BSN: variants seen among roughly 807,000 people sequenced by gnomAD.
BSN encodes the protein bassoon presynaptic cytomatrix protein, also known as protein bassoon.
BSN carries 57 observed loss-of-function variants against 264.8 expected under a neutral mutation model. The ratio of observed to expected loss-of-function variants is 0.22; its 90% CI spans 0.17 to 0.27. The LOEUF (loss-of-function observed/expected upper bound fraction) is 0.27, where lower values mean the gene tolerates loss of function less well. BSN is among the 10% of genes least tolerant of loss of function. BSN has a pLI of 1.00. For synonymous variants in BSN, 2,059 were observed against 2,137.3 expected (o/e 0.96, Z 1.01); for missense variants, 4,615 against 5,232.5 (o/e 0.88, Z 3.64).
At chr3:49,602,011 A>G (rs2052076270) in intron 1 of BSN, among the ~76,000 whole-genome samples, 1 of 152,022 alleles carries the variant, frequency 6.6e-6, no homozygotes, top group African/African-American at 2.4e-5. Flanking sequence ...CCTAGTAGAG[A>G]TGTGGGAAAG....
chr3:49,594,768 A>G (rs756940612), intron 1 of BSN, among the ~76,000 whole-genome samples: 1 of 152,212 alleles, frequency 6.6e-6, no homozygotes, highest in Non-Finnish European at 1.5e-5. Context: ...TTTGGGAAGA[A>G]TGAACATCTT....
chr3:49,604,205 C>A (rs2052093525), intron 1 of BSN, among the ~76,000 whole-genome samples: 1 of 151,996 alleles, frequency 6.6e-6, no homozygotes, highest in South Asian at 2.1e-4. Flanking sequence ...ACTACAGGTA[C>A]ATGCCACTGT....
At chr3:49,615,568 G>A (rs2052253839) in intron 1 of BSN, among the ~76,000 whole-genome samples, 1 of 152,224 alleles carries the variant, frequency 6.6e-6, no homozygotes, top group African/African-American at 2.4e-5. Flanking sequence ...AACCCTGGGT[G>A]TGGTACCTTC....
At position 49,654,163 on chromosome 3, in the gene BSN, C is replaced by T. The variant is rs758403937; in HGVS notation, c.4607C>T (p.Thr1536Ile). The change falls in exon 5 of 12, where the codon ACA becomes ATA. Residue 1536 changes from threonine to isoleucine, a missense_variant. This residue lies in a region of BSN where 3,415 missense variants were observed against 3,866.4 expected (regional missense o/e 0.88). Transcript: ENST00000296452. The surrounding 1 kb of genome is among the most constrained non-coding windows in gnomAD (Gnocchi z 4.1). ...PSPMVAQGTQ[T>I]PHRPSTPRLV... is the part of the protein sequence containing the mutation. ...CCTATGGTAGCCCAGGGTACACAAA[C>T]ACCACATCGACCCAGCACGCCTCGC... 2 of 1,614,076 alleles carry T rather than the reference C, an allele frequency of 1.2e-6. No homozygotes were observed. Among genetic ancestry groups the T allele is most frequent in the Non-Finnish European group, 1.7e-6 (2 of 1,180,024 alleles).
At chr3:49,576,812 C>G (rs930182732) in intron 1 of BSN, among the ~76,000 whole-genome samples, 1 of 152,196 alleles carries the variant, frequency 6.6e-6, no homozygotes, top group African/African-American at 2.4e-5. Flanking sequence ...CAGAGGTTCC[C>G]TGGGAGCAGG....
In BSN at chr3:49,653,050, C is replaced by T. The variant is rs1422700919; in HGVS notation, c.3494C>T (p.Thr1165Ile). The change falls in exon 5 of 12, where the codon ACC (threonine) becomes ATC (isoleucine). Residue 1165 changes from threonine to isoleucine, a missense_variant. Around this residue, in one of 3 missense-constraint regions of BSN, gnomAD observed 3,415 missense variants for 3,866.4 expected, o/e 0.88. Coordinates refer to ENST00000296452, the MANE Select transcript of BSN (RefSeq NM_003458.4). This position sits in a 1 kb window ranked among gnomAD's most constrained non-coding sequence, Gnocchi z 6.3. ...LPTFMSLYSP[T>I]ETPSGSSTTP... The stretch of plus-strand genomic sequence containing the variant: ...ACCTTCATGTCCCTCTACTCACCAA[C>T]CGAGACACCCTCCGGCAGCTCCACC... The T allele has an allele frequency of 6.2e-7, 1 of 1,613,578 alleles. No homozygotes were observed. Among genetic ancestry groups the T allele is most frequent in the Non-Finnish European group, 8.5e-7 (1 of 1,180,030 alleles).
Position 49,660,536 on chromosome 3 carries a change from G to T in BSN, c.8691G>T (p.Leu2897=), listed in dbSNP as rs1559618463. 1 of 1,569,674 alleles carries T rather than the reference G, an allele frequency of 6.4e-7. No homozygotes were observed. Among genetic ancestry groups the T allele is most frequent in the Non-Finnish European group, 8.6e-7 (1 of 1,156,360 alleles). The change falls in exon 6 of 12, where the codon CTG becomes CTT. Residue 2897 remains leucine (L), a synonymous_variant. Transcript: ENST00000296452. The surrounding 1 kb of genome is among the most constrained non-coding windows in gnomAD (Gnocchi z 7.1). The part of the protein sequence containing the change: ...NSLVRKVKRT[L]PSPPPEEAHL... ...TGGTCCGCAAGGTGAAGCGGACACT[G>T]CCCAGCCCCCCTCCAGAGGAGGCTC...
intron 1 of BSN, among the ~76,000 whole-genome samples, chr3:49,597,878 C>T (rs1289017046): frequency 6.6e-6 from 1 of 151,634 alleles, no homozygotes; most frequent in East Asian, 1.9e-4. Flanking sequence ...CTCCTGACCT[C>T]GTGATCCACC....
At chr3:49,665,537 G>C (rs550918677) in intron 11 of BSN, among the ~76,000 whole-genome samples, 1 of 152,336 alleles carries the variant, frequency 6.6e-6, no homozygotes, top group South Asian at 2.1e-4. Context: ...TTGGAGAAGA[G>C]CCCAGCACGG....
intron 1 of BSN, among the ~76,000 whole-genome samples, chr3:49,600,343 G>A (rs2052064096): frequency 6.6e-6 from 1 of 152,166 alleles, no homozygotes; most frequent in Non-Finnish European, 1.5e-5. Context: ...GCGTGCAGGG[G>A]CTGTGAGGAG....
Position 49,661,472 on chromosome 3 carries a change from C to T in BSN, c.9627C>T (p.Ser3209=). ...GTGACCGTGGCAGTGTGAGCCAGAGCCCAGCCCCCACCTACCCCTCTGACT... is the reference window on the plus strand; with the variant it reads ...GTGACCGTGGCAGTGTGAGCCAGAGTCCAGCCCCCACCTACCCCTCTGACT... ...RAGDRGSVSQ[S]PAPTYPSDSH... The change falls in exon 6 of 12, where the codon AGC becomes AGT. Residue 3209 remains serine (S), a synonymous_variant. Transcript: ENST00000296452. 2 of 1,613,944 alleles carry T rather than the reference C, an allele frequency of 1.2e-6. No homozygotes were observed. The highest frequency in any genetic ancestry group is 2.2e-5 in the East Asian group (1 of 44,884).
intron 1 of BSN, among the ~76,000 whole-genome samples, chr3:49,598,464 A>C (rs2052042901): frequency 6.6e-6 from 1 of 152,188 alleles, no homozygotes; most frequent in South Asian, 2.1e-4. Context: ...AAAGGTCAAC[A>C]ATTGATGAAA....
At position 49,660,115 on chromosome 3, in the gene BSN, C is replaced by T. The variant is rs2052641058; in HGVS notation, c.8641-371C>T. Among the ~76,000 whole-genome samples the T allele has an allele frequency of 6.6e-6, 1 of 152,136 alleles. No individual in the cohort carries two copies. Among genetic ancestry groups the T allele is most frequent in the Non-Finnish European group, 1.5e-5 (1 of 68,010 alleles). On this transcript the variant is annotated intron_variant, in intron 5 of 11. Coordinates refer to ENST00000296452, the MANE Select transcript of BSN (RefSeq NM_003458.4). This position sits in a 1 kb window ranked among gnomAD's most constrained non-coding sequence, Gnocchi z 7.1. ...CTGCTAGGCCCCAAACCCAGAGCCA[C>T]AGCTGTACTCTTCTTACCTCAATGT... is the stretch of plus-strand genomic sequence containing the variant.
chr3:49,662,020 C>G lies in BSN; in HGVS notation c.10175C>G (p.Ala3392Gly), dbSNP rs1399183875. The G allele has an allele frequency of 3.7e-6, 6 of 1,613,752 alleles. No individual in the cohort carries two copies. Among genetic ancestry groups the G allele is most frequent in the Non-Finnish European group, 5.1e-6 (6 of 1,180,048 alleles). Reference sequence around the variant, plus strand: ...GACCTGGCGTCCTACCCCCCACCTGCAGTCAGCAGCAGCCTGGTCTCTCGG... The same window carrying G: ...GACCTGGCGTCCTACCCCCCACCTGGAGTCAGCAGCAGCCTGGTCTCTCGG... ...ESDLASYPPP[A>G]VSSSLVSRGR... Residue 3392 changes from alanine to glycine, a missense_variant, in exon 6 of 12, where the codon GCA (alanine) becomes GGA (glycine). Physicochemically the swap from Ala to Gly is moderately conservative, Grantham distance 60 (BLOSUM62 0). This residue lies in a region of BSN where 3,415 missense variants were observed against 3,866.4 expected (regional missense o/e 0.88). Transcript: ENST00000296452.
chr3:49,657,686 T>C lies in BSN; in HGVS notation c.8130T>C (p.Thr2710=). Residue 2710 remains threonine, a synonymous_variant, in exon 5 of 12, where the codon ACT becomes ACC. Coordinates refer to ENST00000296452, the MANE Select transcript of BSN (RefSeq NM_003458.4). The part of the protein sequence containing the change: ...IVRYISAPEK[T]GRGESLACQT... ...GGTACATATCGGCGCCAGAGAAGACTGGGCGTGGGGAGAGCCTGGCCTGCC... is the reference window on the plus strand; with the variant it reads ...GGTACATATCGGCGCCAGAGAAGACCGGGCGTGGGGAGAGCCTGGCCTGCC... 6.4e-7 allele frequency: 1 copy of C among 1,563,960 alleles called. No homozygotes were observed. The highest frequency in any genetic ancestry group is 8.7e-7 in the Non-Finnish European group (1 of 1,151,126).
In BSN at chr3:49,662,899, A is replaced by G; in HGVS notation, c.10741A>G (p.Thr3581Ala). ...AGCGTATCACCTGGGCCAGGAGGAG[A>G]CGGACTGGTTTGATAAGCCCCGGGA... ...SEAYHLGQEETDWFDKPRDAR... is the reference protein window; with the variant it reads ...SEAYHLGQEEADWFDKPRDAR... The change falls in exon 7 of 12, where the codon ACG (threonine) becomes GCG (alanine). Residue 3581 changes from threonine to alanine, a missense_variant. Physicochemically the swap from Thr to Ala is moderately conservative, Grantham distance 58 (BLOSUM62 0). This residue lies in a region of BSN where 3,415 missense variants were observed against 3,866.4 expected (regional missense o/e 0.88). Coordinates refer to ENST00000296452, the MANE Select transcript of BSN (RefSeq NM_003458.4). 6.3e-7 allele frequency: 1 copy of G among 1,591,144 alleles called. No individual in the cohort carries two copies. Among genetic ancestry groups the G allele is most frequent in the Non-Finnish European group, 8.6e-7 (1 of 1,167,842 alleles).
Position 49,654,785 on chromosome 3 carries a change from TCAA to T in BSN, c.5233_5235del (p.Gln1745del). ...CCATGGCCTCGTCTGTGTTCATGGC[TCAA>T]CAAAAGCAGCCTGTGGTCTATGGAG... On this transcript the variant is annotated inframe_deletion, in exon 5 of 12. Coordinates refer to ENST00000296452, the MANE Select transcript of BSN (RefSeq NM_003458.4). This position sits in a 1 kb window ranked among gnomAD's most constrained non-coding sequence, Gnocchi z 4.1. 1 of 1,613,098 alleles carries T rather than the reference TCAA, an allele frequency of 6.2e-7. No individual in the cohort carries two copies. The highest frequency in any genetic ancestry group is 8.5e-7 in the Non-Finnish European group (1 of 1,179,830).
In BSN at chr3:49,651,858, C is replaced by A; in HGVS notation, c.2302C>A (p.Pro768Thr). ...KQRPHSLSIT[P>T]EAFDSDEELE... The stretch of plus-strand genomic sequence containing the variant: ...GCGGCCCCACTCCTTGTCCATCACG[C>A]CTGAGGCCTTTGACTCTGATGAGGA... The change falls in exon 5 of 12, where the codon CCT (proline) becomes ACT (threonine). Residue 768 changes from proline to threonine, a missense_variant. Around this residue, in one of 3 missense-constraint regions of BSN, gnomAD observed 1,197 missense variants for 1,348.0 expected, o/e 0.89. Transcript: ENST00000296452. This position sits in a 1 kb window ranked among gnomAD's most constrained non-coding sequence, Gnocchi z 5.4. 6.2e-7 allele frequency: 1 copy of A among 1,614,020 alleles called. No homozygotes were observed. The highest frequency in any genetic ancestry group is 1.7e-5 in the Admixed American group (1 of 60,030).
At position 49,658,135 on chromosome 3, in the gene BSN, C is replaced by T. The variant is rs982554701; in HGVS notation, c.8579C>T (p.Ala2860Val). The T allele has an allele frequency of 4.4e-6, 7 of 1,606,684 alleles. No individual in the cohort carries two copies. In the African/African-American group the frequency reaches 6.7e-5, roughly 15 times the overall value. The change falls in exon 5 of 12, where the codon GCC becomes GTC. Residue 2860 changes from alanine to valine, a missense_variant. Transcript: ENST00000296452. ...GACCCTAAGCCCCTCAGCCCCACCG[C>T]CGAAGAGTCTGCCAAAGAGAGATTC... ...LSDPKPLSPT[A>V]EESAKERFSL...
Sources: gnomAD v4.1 joint callset for allele counts (sites outside exome capture counted in the v4.1 genomes callset) on GRCh38, gnomAD v4.1.1 for gene constraint, gnomAD v4.1.1 regional missense constraint, Gnocchi (gnomAD v3.1) non-coding constraint, MANE v1.5 for transcripts, NCBI Gene and HGNC (gene_info 2026-07-23, HGNC 2026-07-21) for gene names.